The following SLC4A10 variants were observed in gnomAD, a reference collection of about 807,000 sequenced individuals.
The protein encoded by SLC4A10 is solute carrier family 4 member 10, also known as sodium-driven chloride bicarbonate exchanger.
A neutral mutation model predicts 137.7 loss-of-function variants in SLC4A10; 42 were observed. The ratio of observed to expected loss-of-function variants is 0.30; its 90% CI spans 0.24 to 0.39. The LOEUF (loss-of-function observed/expected upper bound fraction) is 0.39. Among genes scored for constraint, SLC4A10 ranks in the 10% least tolerant of loss-of-function variants. The pLI, the probability that SLC4A10 is intolerant of heterozygous loss-of-function variation, is 1.00. For missense variants in SLC4A10, 925 were observed against 1,355.0 expected (o/e 0.68, Z 4.98); for synonymous variants, 474 against 464.1 (o/e 1.02, Z -0.27).
At chr2:161,751,304 T>C (rs1471581573) in intron 1 of SLC4A10, among the ~76,000 whole-genome samples, 5 of 151,584 alleles carry the variant, frequency 3.3e-5, no homozygotes, top group Non-Finnish European at 7.4e-5. Context: ...CTGTTTGTCT[T>C]GAGGTTCTTT....
intron 1 of SLC4A10, among the ~76,000 whole-genome samples, chr2:161,740,607 G>A (rs2047785350): frequency 6.6e-6 from 1 of 152,152 alleles, no homozygotes; most frequent in Non-Finnish European, 1.5e-5. Context: ...GGTGCTCATA[G>A]GCTTTTGCTA....
intron 1 of SLC4A10, among the ~76,000 whole-genome samples, chr2:161,649,996 G>A (rs1418020630): frequency 6.6e-6 from 1 of 152,100 alleles, no homozygotes; most frequent in African/African-American, 2.4e-5. Flanking sequence ...TCCAAACTAA[G>A]GAATTAACAT....
At chr2:161,901,189 A>C (rs1683034147) in intron 12 of SLC4A10, 178 bp downstream of exon 12, 1 of 598,956 alleles carries the variant, frequency 1.7e-6, no homozygotes. Context: ...ATTACTGTTA[A>C]ACTAAAACAG....
chr2:161,718,566 C>T (rs2045227027), intron 1 of SLC4A10, among the ~76,000 whole-genome samples: 1 of 152,166 alleles, frequency 6.6e-6, no homozygotes, highest in African/African-American at 2.4e-5. Flanking sequence ...ACCCAGAAGT[C>T]ATTCAGGAGT....
intron 15 of SLC4A10, among the ~76,000 whole-genome samples, chr2:161,937,882 G>A (rs1691874528): frequency 2.0e-5 from 3 of 152,140 alleles, no homozygotes; most frequent in Middle Eastern, 6.8e-3. Context: ...GAGAAGTAAA[G>A]AACAGGAAGT....
chr2:161,969,299 G>A (rs1016265865), intron 23 of SLC4A10, among the ~76,000 whole-genome samples: 8 of 152,170 alleles, frequency 5.3e-5, no homozygotes, highest in Non-Finnish European at 1.0e-4. Context: ...AGGTCGCAGA[G>A]CTTCTGTTCC....
intron 15 of SLC4A10, among the ~76,000 whole-genome samples, chr2:161,927,729 C>G (rs1315663966): frequency 1.3e-5 from 2 of 152,302 alleles, no homozygotes; most frequent in East Asian, 3.9e-4. Flanking sequence ...ACAGACACTT[C>G]TTAAAAGAAG....
intron 1 of SLC4A10, among the ~76,000 whole-genome samples, chr2:161,768,710 A>G (rs1375681043): frequency 6.6e-6 from 1 of 151,948 alleles, no homozygotes. Flanking sequence ...AACCAATACC[A>G]TAGGTCTCTG....
chr2:161,967,132 G>A (rs976753908), intron 23 of SLC4A10, among the ~76,000 whole-genome samples: 1 of 152,092 alleles, frequency 6.6e-6, no homozygotes, highest in African/African-American at 2.4e-5. Flanking sequence ...ACTGTCTGTA[G>A]GGAGTTTGCA....
intron 15 of SLC4A10, 83 bp downstream of exon 15, chr2:161,905,970 T>C (rs1465466223): frequency 6.8e-7 from 1 of 1,480,086 alleles, no homozygotes; most frequent in Non-Finnish European, 9.0e-7. Context: ...AGGAAATTAC[T>C]CAGCAGAGAA....
At chr2:161,656,809 C>T (rs1009427963) in intron 1 of SLC4A10, among the ~76,000 whole-genome samples, 3 of 151,950 alleles carry the variant, frequency 2.0e-5, no homozygotes, top group African/African-American at 7.2e-5. Context: ...AAATAGATAG[C>T]TATATTGTGA....
chr2:161,798,323 T>A (rs1474012384), intron 2 of SLC4A10, among the ~76,000 whole-genome samples: 2 of 151,996 alleles, frequency 1.3e-5, no homozygotes, highest in African/African-American at 4.8e-5. Flanking sequence ...TATATTCATT[T>A]CATGTAAAAA....
At chr2:161,901,089 G>A (rs962817568) in intron 12 of SLC4A10, 78 bp downstream of exon 12, 1 of 1,099,058 alleles carries the variant, frequency 9.1e-7, no homozygotes, top group African/African-American at 1.6e-5. Flanking sequence ...TGCTATTTTG[G>A]GATCTAATTT....
At chr2:161,711,653 C>T (rs369640458) in intron 1 of SLC4A10, among the ~76,000 whole-genome samples, 65 of 151,844 alleles carry the variant, frequency 4.3e-4, no homozygotes, top group African/African-American at 1.5e-3. Context: ...CTCCAAAGTG[C>T]CTGTTTCCTT....
chr2:161,702,652 C>T (rs960893868), intron 1 of SLC4A10, among the ~76,000 whole-genome samples: 1 of 151,698 alleles, frequency 6.6e-6, no homozygotes, highest in Non-Finnish European at 1.5e-5. Context: ...AAAATGACTC[C>T]CTCTCTCTAG....
intron 1 of SLC4A10, among the ~76,000 whole-genome samples, chr2:161,670,455 G>C (rs1202024689): frequency 1.3e-5 from 2 of 151,936 alleles, no homozygotes; most frequent in Non-Finnish European, 2.9e-5. Context: ...AAAGAATGAG[G>C]CAAGGGTATT....
chr2:161,954,499 G>A (rs1361799894), intron 19 of SLC4A10, among the ~76,000 whole-genome samples: 1 of 152,194 alleles, frequency 6.6e-6, no homozygotes, highest in African/African-American at 2.4e-5. Context: ...AAATATGTTA[G>A]AAGGTGTAGA....
intron 1 of SLC4A10, among the ~76,000 whole-genome samples, chr2:161,741,637 G>A (rs2047905959): frequency 6.6e-6 from 1 of 152,084 alleles, no homozygotes; most frequent in Non-Finnish European, 1.5e-5. Flanking sequence ...GTTCATCTGT[G>A]TTGTCACAAA....
intron 19 of SLC4A10, 80 bp from the exon 20 acceptor site, chr2:161,956,909 T>G: frequency 7.1e-7 from 1 of 1,408,118 alleles, no homozygotes; most frequent in South Asian, 1.5e-5. Context: ...CATCAGGAAG[T>G]GGTTTCTATT....
Sources: gnomAD v4.1 joint callset for allele counts (sites outside exome capture counted in the v4.1 genomes callset) on GRCh38, gnomAD v4.1.1 for gene constraint, MANE v1.5 for transcripts, NCBI Gene and HGNC (gene_info 2026-07-23, HGNC 2026-07-21) for gene names.